Variants in FNDC3B observed in about 807,000 individuals in gnomAD.
FNDC3B encodes fibronectin type III domain containing 3B.
FNDC3B carries 12 observed loss-of-function variants against 151.5 expected under a neutral mutation model. The ratio of observed to expected loss-of-function variants is 0.08; its 90% CI spans 0.05 to 0.13. The LOEUF is 0.13. Among genes scored for constraint, FNDC3B ranks in the 10% least tolerant of loss-of-function variants. FNDC3B has a pLI of 1.00. For synonymous variants in FNDC3B, 528 were observed against 549.0 expected (o/e 0.96, Z 0.54); for missense variants, 1,214 against 1,505.3 (o/e 0.81, Z 3.20).
At chr3:172,205,366 G>T (rs1725369768) in intron 3 of FNDC3B, among the ~76,000 whole-genome samples, 1 of 152,188 alleles carries the variant, frequency 6.6e-6, no homozygotes, top group South Asian at 2.1e-4. Flanking sequence ...AGCTAGCCCA[G>T]CTGGGAAGCC....
At position 172,231,878 on chromosome 3, in the gene FNDC3B, CG is replaced by C. The variant is rs1726909906; in HGVS notation, c.264+4932del. On this transcript the variant is annotated intron_variant, in intron 4 of 25. Transcript: ENST00000415807. ...TGTGCATTGTATGGTCTTTATTTAC[CG>C]TTTTTTTTTTTTTTTTTTTGAGATG... 2.7e-5 allele frequency among the ~76,000 whole-genome samples: 3 copies of C among 111,930 alleles called. No homozygotes were observed. The South Asian group carries it at 9.8e-4, about 37-fold the overall frequency. The allele number at this position is 111,930 out of a possible 152,430, so 73.4% of individuals were successfully genotyped here. A position where few individuals can be genotyped will look rare whatever the true frequency, so the allele number is the denominator to read the frequency against.
intron 10 of FNDC3B, among the ~76,000 whole-genome samples, chr3:172,309,115 T>A (rs1174260794): frequency 6.6e-6 from 1 of 152,202 alleles, no homozygotes; most frequent in East Asian, 1.9e-4. Context: ...AGAAACATAC[T>A]CTTGTTCCAT....
At chr3:172,082,742 T>C (rs1192565144) in intron 1 of FNDC3B, among the ~76,000 whole-genome samples, 1 of 152,184 alleles carries the variant, frequency 6.6e-6, no homozygotes, top group Non-Finnish European at 1.5e-5. Context: ...TTAATGTGGA[T>C]TTTTATGACT....
rs369082308 is a variant in FNDC3B at position 172,362,503 on chromosome 3, C to T, written c.2796-130C>T. The T allele has an allele frequency of 6.6e-4, 474 of 721,334 alleles. 1 individual carries two copies. In the African/African-American group the frequency reaches 7.8e-3, roughly 12 times the overall value. 44.7% of individuals were successfully genotyped at this position (721,334 alleles called of 1,614,324 possible). Reference sequence around the variant, plus strand: ...TTCTATTTGTCTTGAGTTACTTTAACTTGTTTTTCTTCATTCTATGTTATT... The same window carrying T: ...TTCTATTTGTCTTGAGTTACTTTAATTTGTTTTTCTTCATTCTATGTTATT... On this transcript the variant is annotated intron_variant, in intron 22 of 25. Transcript: ENST00000415807.
intron 6 of FNDC3B, among the ~76,000 whole-genome samples, chr3:172,269,377 G>A (rs1168800995): frequency 6.6e-6 from 1 of 151,774 alleles, no homozygotes; most frequent in Non-Finnish European, 1.5e-5. Flanking sequence ...TCCTACCTCA[G>A]CCTCCTGAAT....
intron 3 of FNDC3B, among the ~76,000 whole-genome samples, chr3:172,179,921 C>T (rs572605970): frequency 6.1e-5 from 9 of 146,594 alleles, no homozygotes; most frequent in Non-Finnish European, 1.0e-4. Context: ...GCCTTAGTTT[C>T]GTTTCTTCAT....
At chr3:172,361,026 A>G (rs1576945781) in intron 22 of FNDC3B, among the ~76,000 whole-genome samples, 1 of 152,208 alleles carries the variant, frequency 6.6e-6, no homozygotes, top group Non-Finnish European at 1.5e-5. Context: ...AGGCTGTACA[A>G]AAAGTGTGGT....
intron 1 of FNDC3B, among the ~76,000 whole-genome samples, chr3:172,077,158 A>G (rs1408394601): frequency 6.6e-6 from 1 of 152,334 alleles, no homozygotes; most frequent in East Asian, 1.9e-4. Context: ...TGGTTAAAAA[A>G]AATAAAAAAA....
intron 9 of FNDC3B, chr3:172,302,222 T>C (rs557430374): frequency 2.6e-5 from 4 of 152,262 alleles, no homozygotes; most frequent in Non-Finnish European, 4.4e-5. Context: ...ATTAGTATTA[T>C]TGCATGAGTT....
intron 3 of FNDC3B, among the ~76,000 whole-genome samples, chr3:172,177,324 C>G (rs1342898710): frequency 6.6e-6 from 1 of 152,214 alleles, no homozygotes; most frequent in Non-Finnish European, 1.5e-5. Context: ...TACATTTTAA[C>G]AGACTCCTTG....
chr3:172,364,840 G>A (rs187340559), intron 23 of FNDC3B, among the ~76,000 whole-genome samples: 9 of 152,204 alleles, frequency 5.9e-5, no homozygotes, highest in Admixed American at 2.6e-4. Flanking sequence ...AGAAAACTTC[G>A]CATTAGGAAC....
intron 1 of FNDC3B, among the ~76,000 whole-genome samples, chr3:172,111,216 C>T (rs1719948163): frequency 6.6e-6 from 1 of 151,354 alleles, no homozygotes; most frequent in Non-Finnish European, 1.5e-5. Flanking sequence ...TTGAAATAGA[C>T]ATTAGATTTC....
In FNDC3B at chr3:172,399,413, A is replaced by C. The variant is rs752848609; in HGVS notation, c.*1938A>C. 3 of 152,638 alleles carry C rather than the reference A, an allele frequency of 2.0e-5. No homozygotes were observed. Among genetic ancestry groups the C allele is most frequent in the Non-Finnish European group, 4.4e-5 (3 of 68,038 alleles). The allele number at this position is 152,638 out of a possible 1,614,324, so 9.5% of individuals were successfully genotyped here. A position where few individuals can be genotyped will look rare whatever the true frequency, so the allele number is the denominator to read the frequency against. ...AATGCCAAAAAAAAAATACATTATC[A>C]GTGATTGAAACGTTTACATGTACCC... On this transcript the variant is annotated 3_prime_UTR_variant, in exon 26 of 26. Coordinates refer to ENST00000415807, the MANE Select transcript of FNDC3B (RefSeq NM_022763.4).
chr3:172,154,136 C>G (rs948950897), intron 3 of FNDC3B, among the ~76,000 whole-genome samples: 1 of 152,140 alleles, frequency 6.6e-6, no homozygotes, highest in African/African-American at 2.4e-5. Flanking sequence ...TTACTGTCTT[C>G]TAATAGGCCC....
chr3:172,310,834 A>G lies in FNDC3B; in HGVS notation c.1207A>G (p.Ile403Val), dbSNP rs367925355. The G allele has an allele frequency of 1.2e-5, 20 of 1,611,492 alleles. No individual in the cohort carries two copies. The highest frequency in any genetic ancestry group is 5.1e-6 in the Non-Finnish European group (6 of 1,177,546). The change falls in exon 11 of 26, where the codon ATT becomes GTT. Residue 403 changes from isoleucine (I) to valine (V), a missense_variant. This residue lies in a region of FNDC3B where 156 missense variants were observed against 225.3 expected (regional missense o/e 0.69). Transcript: ENST00000415807. Reference protein sequence around the residue: ...SSLTLQWKAPIDNGSKITNYL... With the variant: ...SSLTLQWKAPVDNGSKITNYL... ...ATGTTACTATTTTTTTTAGGCACCA[A>G]TTGACAACGGTTCAAAAATCACCAA...
chr3:172,050,082 GTT>G (rs372907438), intron 1 of FNDC3B, among the ~76,000 whole-genome samples: 2 of 147,608 alleles, frequency 1.4e-5, no homozygotes, highest in African/African-American at 2.5e-5. Flanking sequence ...TGCTCCCTCT[GTT>G]TTTTTTTTGT....
Position 172,137,426 on chromosome 3 carries a change from G to T in FNDC3B, c.187+3880G>T, listed in dbSNP as rs186967439. Among the ~76,000 whole-genome samples, 143 of 152,266 alleles carry T rather than the reference G, an allele frequency of 9.4e-4. 5 individuals carry two copies. Among genetic ancestry groups the T allele is most frequent in the Admixed American group, 9.3e-3 (142 of 15,288 alleles). Reference sequence around the variant, plus strand: ...AATCCCAGCACTTTGGGAGGCCAAGGCAGAAGATTGCTTGAGGCCAGGAGT... The same window carrying T: ...AATCCCAGCACTTTGGGAGGCCAAGTCAGAAGATTGCTTGAGGCCAGGAGT... On this transcript the variant is annotated intron_variant, in intron 3 of 25. Coordinates refer to ENST00000415807, the MANE Select transcript of FNDC3B (RefSeq NM_022763.4).
intron 2 of FNDC3B, among the ~76,000 whole-genome samples, chr3:172,123,905 T>C (rs189925869): frequency 4.5e-4 from 68 of 152,316 alleles, no homozygotes; most frequent in Admixed American, 3.8e-3. Context: ...ATGAATAATA[T>C]CTGTCTGTTT....
chr3:172,147,163 A>G (rs908940411), intron 3 of FNDC3B, among the ~76,000 whole-genome samples: 1 of 151,952 alleles, frequency 6.6e-6, no homozygotes, highest in Non-Finnish European at 1.5e-5. Flanking sequence ...AAAATTAGCC[A>G]GGTGTGGTGG....
Sources: allele counts gnomAD v4.1 joint callset (sites outside exome capture counted in the v4.1 genomes callset), GRCh38; gene constraint gnomAD v4.1.1; regional missense constraint gnomAD v4.1.1; transcripts MANE v1.5; gene names NCBI Gene and HGNC (gene_info 2026-07-23, HGNC 2026-07-21).